The following RFX2 variants were observed in gnomAD, a reference collection of about 807,000 sequenced individuals.
The protein encoded by RFX2 is regulatory factor X2.
RFX2 carries 20 observed loss-of-function variants against 87.8 expected under a neutral mutation model. The observed-to-expected ratio is 0.23, with a 90% CI of 0.16 to 0.33. The LOEUF (loss-of-function observed/expected upper bound fraction) is 0.33, where lower values mean the gene tolerates loss of function less well. Among genes scored for constraint, RFX2 ranks in the 10% least tolerant of loss-of-function variants. RFX2 has a pLI of 1.00. For synonymous variants in RFX2, 397 were observed against 431.3 expected (o/e 0.92, Z 0.98); for missense variants, 767 against 1,012.3 (o/e 0.76, Z 3.29).
intron 1 of RFX2, among the ~76,000 whole-genome samples, chr19:6,048,236 T>TA: frequency 6.6e-6 from 1 of 152,244 alleles, no homozygotes; most frequent in Non-Finnish European, 1.5e-5. Flanking sequence ...TGGCAGTAAG[T>TA]AAAAACTGCC....
chr19:6,109,639 T>C (rs1200750948), intron 1 of RFX2, among the ~76,000 whole-genome samples: 1 of 152,106 alleles, frequency 6.6e-6, no homozygotes, highest in East Asian at 1.9e-4. Context: ...AGTTTGCGAC[T>C]AAGAGTGACA....
intron 1 of RFX2, among the ~76,000 whole-genome samples, chr19:6,105,226 G>A (rs1339705910): frequency 6.6e-6 from 1 of 152,140 alleles, no homozygotes; most frequent in Non-Finnish European, 1.5e-5. Flanking sequence ...AACTTATGGT[G>A]TGTTATATAG....
chr19:6,022,158 G>T lies in RFX2; in HGVS notation c.597+4005C>A, dbSNP rs1599860279. On this transcript the variant is annotated intron_variant, in intron 6 of 17. Coordinates refer to ENST00000303657, the MANE Select transcript of RFX2 (RefSeq NM_000635.4). This position sits in a 1 kb window ranked among gnomAD's most constrained non-coding sequence, Gnocchi z 6.2. The stretch of plus-strand genomic sequence containing the variant: ...TGTGGGAGGCGCAGGGGTTGTTGAG[G>T]GTGGAGGCCACGCACTGAGCTAAGA... Among the ~76,000 whole-genome samples the T allele has an allele frequency of 6.6e-6, 1 of 152,200 alleles. No homozygotes were observed. Among genetic ancestry groups the T allele is most frequent in the East Asian group, 1.9e-4 (1 of 5,162 alleles).
intron 1 of RFX2, among the ~76,000 whole-genome samples, chr19:6,065,509 C>T (rs1416366677): frequency 2.6e-5 from 4 of 151,852 alleles, no homozygotes; most frequent in Admixed American, 6.6e-5. Context: ...TAGCCGGGTG[C>T]GGTGGCGGGC....
chr19:6,058,486 C>A (rs2087378807), intron 1 of RFX2, among the ~76,000 whole-genome samples: 1 of 152,100 alleles, frequency 6.6e-6, no homozygotes, highest in African/African-American at 2.4e-5. Flanking sequence ...TGAACAGGAC[C>A]CTCTGAAGGC....
rs556393453 is a variant in RFX2, at chr19:6,038,053, G to C, written c.522+1927C>G. ...GTAAAATGTAAAACTATGGTCAGGC[G>C]CGGTGGCTCACGCCTGTAATCCCAG... On this transcript the variant is annotated intron_variant, in intron 5 of 17. Coordinates refer to ENST00000303657, the MANE Select transcript of RFX2 (RefSeq NM_000635.4). 5.9e-5 allele frequency among the ~76,000 whole-genome samples: 9 copies of C among 152,106 alleles called. 1 individual carries two copies. Among genetic ancestry groups the C allele is most frequent in the Admixed American group, 1.3e-4 (2 of 15,278 alleles).
chr19:6,037,289 GA>G (rs57278741), intron 5 of RFX2, among the ~76,000 whole-genome samples: 6,314 of 102,452 alleles, frequency 0.062, 334 homozygotes, highest in African/African-American at 0.19. Context: ...GTCTCAAAAA[GA>G]AAAAAAAAAA....
Position 6,019,356 on chromosome 19 carries a change from A to G in RFX2, c.598-3085T>C, listed in dbSNP as rs76936186. 4.4e-3 allele frequency among the ~76,000 whole-genome samples: 666 copies of G among 152,156 alleles called. 7 individuals carry two copies. The East Asian group carries it at 0.071, about 16-fold the overall frequency. Reference sequence around the variant, plus strand: ...CGACTTTCTGGACTGGACTTTTTCCAATACAATGGAGGCAGTGTTGCTTTT... The same window carrying G: ...CGACTTTCTGGACTGGACTTTTTCCGATACAATGGAGGCAGTGTTGCTTTT... On this transcript the variant is annotated intron_variant, in intron 6 of 17. Coordinates refer to ENST00000303657, the MANE Select transcript of RFX2 (RefSeq NM_000635.4).
chr19:6,005,121 GAAAA>G (rs1297194852), intron 12 of RFX2, among the ~76,000 whole-genome samples: 10 of 152,070 alleles, frequency 6.6e-5, no homozygotes, highest in Non-Finnish European at 1.2e-4. Context: ...AAAAAAACCA[GAAAA>G]ATATTTTAAA....
chr19:5,998,503 C>G lies in RFX2; in HGVS notation c.1860-1290G>C, dbSNP rs1270707755. 6.6e-6 allele frequency among the ~76,000 whole-genome samples: 1 copy of G among 152,210 alleles called. No individual in the cohort carries two copies. The highest frequency in any genetic ancestry group is 1.5e-5 in the Non-Finnish European group (1 of 68,030). On this transcript the variant is annotated intron_variant, in intron 15 of 17. Transcript: ENST00000303657. The surrounding 1 kb of genome is among the most constrained non-coding windows in gnomAD (Gnocchi z 4.2). Reference sequence around the variant, plus strand: ...TCGAGCGATAAAAAGAAGACACAGGCTTGAGAAAGGCAAAGACAGCCGCAC... The same window carrying G: ...TCGAGCGATAAAAAGAAGACACAGGGTTGAGAAAGGCAAAGACAGCCGCAC...
chr19:6,047,559 G>A lies in RFX2; in HGVS notation c.-8-55C>T, dbSNP rs775981058. On this transcript the variant is annotated intron_variant, in intron 1 of 17. Coordinates refer to ENST00000303657, the MANE Select transcript of RFX2 (RefSeq NM_000635.4). This position sits in a 1 kb window ranked among gnomAD's most constrained non-coding sequence, Gnocchi z 4.2. ...GCAAGGGCTGCAAGCACTGAAATCC[G>A]AAGAGGCAACTAACAAGTTCAAGGG... 17 of 1,413,674 alleles carry A rather than the reference G, an allele frequency of 1.2e-5. No homozygotes were observed. Among genetic ancestry groups the A allele is most frequent in the Admixed American group, 3.9e-5 (2 of 50,738 alleles). The allele number at this position is 1,413,674 out of a possible 1,614,324, so 87.6% of individuals were successfully genotyped here. A position where few individuals can be genotyped will look rare whatever the true frequency, so the allele number is the denominator to read the frequency against.
chr19:6,095,465 TA>T (rs2088007828), intron 1 of RFX2, among the ~76,000 whole-genome samples: 13 of 152,266 alleles, frequency 8.5e-5, no homozygotes, highest in African/African-American at 3.1e-4. Flanking sequence ...CATACACAGA[TA>T]ATTCCTTACG....
At chr19:6,091,155 TC>T (rs1284082581) in intron 1 of RFX2, among the ~76,000 whole-genome samples, 1 of 152,106 alleles carries the variant, frequency 6.6e-6, no homozygotes, top group African/African-American at 2.4e-5. Flanking sequence ...ACTGTGAAAA[TC>T]CTAAAATCCA....
chr19:6,035,115 A>C (rs2087003848), intron 5 of RFX2, among the ~76,000 whole-genome samples: 1 of 152,194 alleles, frequency 6.6e-6, no homozygotes, highest in South Asian at 2.1e-4. Context: ...GTATGAGAAA[A>C]ATTTTAAAAA....
At position 6,010,357 on chromosome 19, in the gene RFX2, G is replaced by A. The variant is rs1206354015; in HGVS notation, c.900-106C>T. 2 of 723,470 alleles carry A rather than the reference G, an allele frequency of 2.8e-6. No homozygotes were observed. The highest frequency in any genetic ancestry group is 4.8e-6 in the Non-Finnish European group (2 of 420,058). The allele number at this position is 723,470 out of a possible 1,614,324, so 44.8% of individuals were successfully genotyped here. On this transcript the variant is annotated intron_variant, in intron 8 of 17. Coordinates refer to ENST00000303657, the MANE Select transcript of RFX2 (RefSeq NM_000635.4). This position sits in a 1 kb window ranked among gnomAD's most constrained non-coding sequence, Gnocchi z 5.0. ...ATTCAGTCAGGCATGTGTGTGTGAT[G>A]TTTACAAGTTGCGGTCAAATACACA...
At chr19:6,009,109 C>G (rs1402092481) in intron 9 of RFX2, among the ~76,000 whole-genome samples, 1 of 152,152 alleles carries the variant, frequency 6.6e-6, no homozygotes, top group Non-Finnish European at 1.5e-5. Flanking sequence ...CAGCAAGTAC[C>G]CACAGAGCCA....
chr19:6,056,588 C>T lies in RFX2; in HGVS notation c.-8-9084G>A, dbSNP rs750792643. On this transcript the variant is annotated intron_variant, in intron 1 of 17. Coordinates refer to ENST00000303657, the MANE Select transcript of RFX2 (RefSeq NM_000635.4). This position sits in a 1 kb window ranked among gnomAD's most constrained non-coding sequence, Gnocchi z 4.6. ...AGGTAAAGTCCACAGGGCACAGGGA[C>T]GCACACTGTGGAGCACCTTTGCAGC... is the stretch of plus-strand genomic sequence containing the variant. 2.6e-5 allele frequency among the ~76,000 whole-genome samples: 4 copies of T among 152,176 alleles called. No homozygotes were observed. Among genetic ancestry groups the T allele is most frequent in the South Asian group, 2.1e-4 (1 of 4,826 alleles).
chr19:6,054,036 A>C (rs2087299077), intron 1 of RFX2, among the ~76,000 whole-genome samples: 1 of 152,004 alleles, frequency 6.6e-6, no homozygotes, highest in Non-Finnish European at 1.5e-5. Flanking sequence ...AAGAAAAGAA[A>C]ACCCAAATTG....
chr19:6,047,259 G>A lies in RFX2; in HGVS notation c.90+148C>T, dbSNP rs754693253. On this transcript the variant is annotated intron_variant, in intron 2 of 17. Transcript: ENST00000303657. This position sits in a 1 kb window ranked among gnomAD's most constrained non-coding sequence, Gnocchi z 4.2. ...AGCCAAATACAGTTAAGGAAATTGTGCCTATTTCAACAGCAGCAGCACTGG... is the reference window on the plus strand; with the variant it reads ...AGCCAAATACAGTTAAGGAAATTGTACCTATTTCAACAGCAGCAGCACTGG... 12 of 602,174 alleles carry A rather than the reference G, an allele frequency of 2.0e-5. 1 individual carries two copies. In the Admixed American group the frequency reaches 3.8e-4, roughly 19 times the overall value. The allele number at this position is 602,174 out of a possible 1,614,324, so 37.3% of individuals were successfully genotyped here. A position where few individuals can be genotyped will look rare whatever the true frequency, so the allele number is the denominator to read the frequency against.
Sources: gnomAD v4.1 joint callset for allele counts (sites outside exome capture counted in the v4.1 genomes callset) on GRCh38, gnomAD v4.1.1 for gene constraint, Gnocchi (gnomAD v3.1) non-coding constraint, MANE v1.5 for transcripts, NCBI Gene and HGNC (gene_info 2026-07-23, HGNC 2026-07-21) for gene names.